Variants in GRIK1 observed in about 807,000 individuals in gnomAD.
The protein encoded by GRIK1 is glutamate receptor ionotropic, kainate 1.
Under a neutral mutation model 105.7 loss-of-function variants are expected in GRIK1, and 69 were observed. That is an observed-to-expected ratio of 0.65 (90% CI 0.54 to 0.80). The LOEUF (loss-of-function observed/expected upper bound fraction) is 0.80, where lower values mean the gene tolerates loss of function less well. Ranked by LOEUF, GRIK1 falls within the 30% of genes least tolerant of loss-of-function variation. The pLI, the probability that GRIK1 is intolerant of heterozygous loss-of-function variation, is 0.00. For missense variants in GRIK1, 1,109 were observed against 1,167.3 expected (o/e 0.95, Z 0.73); for synonymous variants, 438 against 431.3 (o/e 1.02, Z -0.19).
At chr21:29,690,780 A>G (rs907488306) in intron 2 of GRIK1, among the ~76,000 whole-genome samples, 1 of 152,244 alleles carries the variant, frequency 6.6e-6, no homozygotes, top group African/African-American at 2.4e-5. Context: ...GCACTCACTG[A>G]GAGAATTTAG....
chr21:29,549,024 C>G (rs1218269166), intron 16 of GRIK1, among the ~76,000 whole-genome samples: 1 of 152,102 alleles, frequency 6.6e-6, no homozygotes, highest in East Asian at 1.9e-4. Flanking sequence ...TTTGTTCAGT[C>G]TTTGTTTGTT....
intron 1 of GRIK1, among the ~76,000 whole-genome samples, chr21:29,789,576 C>T (rs1456472458): frequency 4.6e-5 from 7 of 152,202 alleles, no homozygotes; most frequent in African/African-American, 1.7e-4. Flanking sequence ...TCTGCCTGAC[C>T]TTTGAATTGC....
intron 1 of GRIK1, among the ~76,000 whole-genome samples, chr21:29,905,333 G>A (rs1442097699): frequency 3.3e-5 from 5 of 152,122 alleles, no homozygotes; most frequent in African/African-American, 1.2e-4. Flanking sequence ...CAGGAAGGAG[G>A]AAGGCTGGGT....
At chr21:29,791,592 C>T (rs1163292894) in intron 1 of GRIK1, among the ~76,000 whole-genome samples, 1 of 152,084 alleles carries the variant, frequency 6.6e-6, no homozygotes, top group Non-Finnish European at 1.5e-5. Context: ...GTATGAAAAG[C>T]AAGCCTCAAG....
chr21:29,558,103 C>T (rs1010915753), intron 15 of GRIK1, among the ~76,000 whole-genome samples: 4 of 152,052 alleles, frequency 2.6e-5, no homozygotes, highest in African/African-American at 7.2e-5. Context: ...CTTTAAATCT[C>T]TCAGGAGGTA....
At position 29,837,552 on chromosome 21, in the gene GRIK1, C is replaced by G. The variant is rs1007333835; in HGVS notation, c.118+101831G>C. On this transcript the variant is annotated intron_variant, in intron 1 of 17. Coordinates refer to ENST00000327783, the MANE Select transcript of GRIK1 (RefSeq NM_001330994.2). ...GGCAACCACCAATGGGGGGGAATGA[C>G]AGCAAAGAGAAGTCTGGGAAACAAA... 3.3e-5 allele frequency among the ~76,000 whole-genome samples: 5 copies of G among 152,184 alleles called. No individual in the cohort carries two copies. In the East Asian group the frequency reaches 9.6e-4, roughly 29 times the overall value.
At chr21:29,848,469 G>A (rs1040961023) in intron 1 of GRIK1, among the ~76,000 whole-genome samples, 2 of 152,072 alleles carry the variant, frequency 1.3e-5, no homozygotes, top group Admixed American at 6.6e-5. Context: ...GCTTATTAGA[G>A]TCTAAATCAT....
chr21:29,755,681 C>T (rs2065319688), intron 1 of GRIK1, among the ~76,000 whole-genome samples: 1 of 152,038 alleles, frequency 6.6e-6, no homozygotes, highest in South Asian at 2.1e-4. Flanking sequence ...TCCACAGGAG[C>T]CCTCTGATAT....
chr21:29,604,274 C>T (rs2061572504), intron 7 of GRIK1, among the ~76,000 whole-genome samples: 1 of 152,180 alleles, frequency 6.6e-6, no homozygotes, highest in South Asian at 2.1e-4. Context: ...ATGCTTCCTT[C>T]TCTGCCTCAA....
At chr21:29,934,753 T>A (rs142365448) in intron 1 of GRIK1, among the ~76,000 whole-genome samples, 4 of 152,144 alleles carry the variant, frequency 2.6e-5, no homozygotes, top group Admixed American at 6.5e-5. Context: ...AAAGTCACTA[T>A]CTCAATGAAA....
chr21:29,580,132 CAT>C lies in GRIK1; in HGVS notation c.1912+1291_1912+1292del, dbSNP rs1555839918. ...ATATACATATATACACATATACACA[CAT>C]ATATATACATATATATATACACATA... On this transcript the variant is annotated intron_variant, in intron 13 of 17. Transcript: ENST00000327783. Among the ~76,000 whole-genome samples the C allele has an allele frequency of 1.7e-3, 245 of 141,864 alleles. 3 individuals carry two copies. The highest frequency in any genetic ancestry group is 6.2e-3 in the East Asian group (31 of 5,002). 93.1% of individuals were successfully genotyped at this position (141,864 alleles called of 152,430 possible).
At chr21:29,704,990 G>A (rs533984939) in intron 1 of GRIK1, among the ~76,000 whole-genome samples, 38 of 152,286 alleles carry the variant, frequency 2.5e-4, no homozygotes, top group Admixed American at 1.1e-3. Context: ...TCATTTAAAT[G>A]ACTCATATTC....
chr21:29,744,317 A>T (rs2064999844), intron 1 of GRIK1, among the ~76,000 whole-genome samples: 1 of 152,116 alleles, frequency 6.6e-6, no homozygotes. Flanking sequence ...TCCCACTTTC[A>T]TCCTTCTCTT....
rs550025362 is a variant in GRIK1, at chr21:29,570,867, G to A, written c.2130+6097C>T. Among the ~76,000 whole-genome samples, 9 of 142,030 alleles carry A rather than the reference G, an allele frequency of 6.3e-5. No individual in the cohort carries two copies. The South Asian group carries it at 2.3e-3, about 37-fold the overall frequency. The allele number at this position is 142,030 out of a possible 152,430, so 93.2% of individuals were successfully genotyped here. A position where few individuals can be genotyped will look rare whatever the true frequency, so the allele number is the denominator to read the frequency against. On this transcript the variant is annotated intron_variant, in intron 14 of 17. Coordinates refer to ENST00000327783, the MANE Select transcript of GRIK1 (RefSeq NM_001330994.2). ...GCTTTTTTTTTTTTTGATGGACAAA[G>A]TGAGGTAGAATCTCAGGATGTCCAT... is the stretch of plus-strand genomic sequence containing the variant.
chr21:29,650,414 T>A (rs2062707919), intron 6 of GRIK1, among the ~76,000 whole-genome samples: 1 of 152,204 alleles, frequency 6.6e-6, no homozygotes, highest in African/African-American at 2.4e-5. Flanking sequence ...TTTTAAAAAA[T>A]TATTTCCTGC....
At chr21:29,725,184 G>T (rs918268223) in intron 1 of GRIK1, among the ~76,000 whole-genome samples, 2 of 152,114 alleles carry the variant, frequency 1.3e-5, no homozygotes, top group African/African-American at 4.8e-5. Context: ...CAGCATTTCA[G>T]TAAGAAATAA....
At position 29,709,740 on chromosome 21, in the gene GRIK1, G is replaced by A. The variant is rs139010332; in HGVS notation, c.119-15677C>T. 7.3e-3 allele frequency among the ~76,000 whole-genome samples: 1,100 copies of A among 151,612 alleles called. 15 individuals are homozygous for A. Among genetic ancestry groups the A allele is most frequent in the African/African-American group, 0.026 (1,056 of 41,384 alleles). ...AGGTATTTTGCAGGTTTTTTTCACA[G>A]TTGAGTTTGATCTTTTATAATTTTT... On this transcript the variant is annotated intron_variant, in intron 1 of 17. Transcript: ENST00000327783.
chr21:29,872,178 G>A (rs2069037477), intron 1 of GRIK1, among the ~76,000 whole-genome samples: 2 of 149,270 alleles, frequency 1.3e-5, no homozygotes, highest in African/African-American at 4.9e-5. Context: ...ATTAAAATAT[G>A]CACGCTCTCA....
chr21:29,618,483 A>AGTT lies in GRIK1; in HGVS notation c.1099-19547_1099-19546insAAC, dbSNP rs2061903192. Among the ~76,000 whole-genome samples the AGTT allele has an allele frequency of 2.6e-5, 4 of 152,192 alleles. No homozygotes were observed. In the South Asian group the frequency reaches 6.2e-4, roughly 24 times the overall value. On this transcript the variant is annotated intron_variant, in intron 7 of 17. Coordinates refer to ENST00000327783, the MANE Select transcript of GRIK1 (RefSeq NM_001330994.2). ...TTAAAGAACTAAAAGCAGAACTACC[A>AGTT]CTTGATCCAGCAAGCCGACTACTGT...
Sources: allele counts gnomAD v4.1 joint callset (sites outside exome capture counted in the v4.1 genomes callset), GRCh38; gene constraint gnomAD v4.1.1; transcripts MANE v1.5; gene names NCBI Gene and HGNC (gene_info 2026-07-23, HGNC 2026-07-21).